The following SLC24A2 variants were observed in gnomAD, a reference collection of about 807,000 sequenced individuals.
SLC24A2 encodes solute carrier family 24 member 2, also known as sodium/potassium/calcium exchanger 2.
SLC24A2 carries 36 observed loss-of-function variants against 62.0 expected under a neutral mutation model. The ratio of observed to expected loss-of-function variants is 0.58; its 90% CI spans 0.44 to 0.77. SLC24A2 has a LOEUF of 0.77. Ranked by LOEUF, SLC24A2 falls within the 30% of genes least tolerant of loss-of-function variation. The pLI, the probability that SLC24A2 is intolerant of heterozygous loss-of-function variation, is 0.00. For synonymous variants in SLC24A2, 358 were observed against 294.0 expected (o/e 1.22, Z -2.23); for missense variants, 846 against 817.9 (o/e 1.03, Z -0.42).
intron 2 of SLC24A2, among the ~76,000 whole-genome samples, chr9:19,659,476 A>T (rs1819032001): frequency 6.6e-6 from 1 of 151,976 alleles, no homozygotes. Context: ...TATTTTTTTG[A>T]GTGTGCTGCA....
intron 2 of SLC24A2, among the ~76,000 whole-genome samples, chr9:19,754,152 C>T (rs1008314706): frequency 2.6e-5 from 4 of 152,164 alleles, no homozygotes; most frequent in African/African-American, 4.8e-5. Flanking sequence ...ATGAATTCCT[C>T]AGAGATTCTG....
At chr9:20,059,972 A>G in the SLC24A2 span, among the ~76,000 whole-genome samples, 1 of 152,130 alleles carries the variant, frequency 6.6e-6, no homozygotes, top group African/African-American at 2.4e-5. Flanking sequence ...AGATGGAGAC[A>G]TGATTACTGA....
chr9:19,564,043 G>T lies in SLC24A2; in HGVS notation c.1347+9308C>A, dbSNP rs538968370. Among the ~76,000 whole-genome samples the T allele has an allele frequency of 2.0e-5, 3 of 151,890 alleles. No individual in the cohort carries two copies. The South Asian group carries it at 6.3e-4, about 32-fold the overall frequency. The stretch of plus-strand genomic sequence containing the variant: ...TAATTTTTTGTATTTTTGGTAGAGA[G>T]AGTGTTTTTGTGATGTTGCCCAGGC... On this transcript the variant is annotated intron_variant, in intron 7 of 10. Coordinates refer to ENST00000341998, the MANE Select transcript of SLC24A2 (RefSeq NM_020344.4).
the SLC24A2 span, among the ~76,000 whole-genome samples, chr9:20,059,366 A>G: frequency 1.3e-5 from 2 of 152,302 alleles, no homozygotes; most frequent in African/African-American, 2.4e-5. Flanking sequence ...TCATGTCTAC[A>G]TGGAATATTT....
At chr9:20,254,913 G>A in the SLC24A2 span, among the ~76,000 whole-genome samples, 1 of 152,210 alleles carries the variant, frequency 6.6e-6, no homozygotes, top group African/African-American at 2.4e-5. Context: ...CAAGAGGCAT[G>A]TGTGTGGAAA....
At chr9:19,927,458 A>T in the SLC24A2 span, 1 of 152,238 alleles carries the variant, frequency 6.6e-6, no homozygotes, top group Non-Finnish European at 1.5e-5. Flanking sequence ...GACCATATAA[A>T]GTACCTCTGA....
the SLC24A2 span, among the ~76,000 whole-genome samples, chr9:20,230,439 C>G: frequency 4.6e-5 from 7 of 152,272 alleles, no homozygotes; most frequent in East Asian, 1.9e-4. Flanking sequence ...ACTGGTGTGA[C>G]ATGGTATCTC....
At chr9:19,759,873 A>G (rs977813245) in intron 2 of SLC24A2, among the ~76,000 whole-genome samples, 8 of 152,194 alleles carry the variant, frequency 5.3e-5, no homozygotes, top group Non-Finnish European at 1.0e-4. Flanking sequence ...AACTCCATAT[A>G]AACACCCTGC....
the SLC24A2 span, among the ~76,000 whole-genome samples, chr9:19,915,149 A>G: frequency 1.3e-5 from 2 of 152,008 alleles, no homozygotes; most frequent in East Asian, 1.9e-4. Context: ...GAATTTACCT[A>G]TTTTGGATAT....
chr9:19,700,378 A>T (rs1820321061), intron 2 of SLC24A2, among the ~76,000 whole-genome samples: 1 of 152,164 alleles, frequency 6.6e-6, no homozygotes, highest in East Asian at 1.9e-4. Context: ...ACAAGGATTT[A>T]AAAAAATGCT....
rs1024312020 is a variant in SLC24A2 at position 19,749,904 on chromosome 9, A to G, written c.930+36033T>C. Among the ~76,000 whole-genome samples, 56 of 152,306 alleles carry G rather than the reference A, an allele frequency of 3.7e-4. 1 individual carries two copies. Among genetic ancestry groups the G allele is most frequent in the African/African-American group, 1.3e-3 (53 of 41,560 alleles). On this transcript the variant is annotated intron_variant, in intron 2 of 10. Transcript: ENST00000341998. ...ATGTCACACTGCAGTGCATTCTGCTAAAGGGACCATAAACCAAATTCTCCC... is the reference window on the plus strand; with the variant it reads ...ATGTCACACTGCAGTGCATTCTGCTGAAGGGACCATAAACCAAATTCTCCC...
At chr9:19,758,241 T>C (rs978133286) in intron 2 of SLC24A2, among the ~76,000 whole-genome samples, 4 of 152,132 alleles carry the variant, frequency 2.6e-5, no homozygotes, top group East Asian at 1.9e-4. Context: ...TACCTACCAA[T>C]AGACATGGAG....
the SLC24A2 span, among the ~76,000 whole-genome samples, chr9:19,932,276 AG>A: frequency 3.9e-5 from 6 of 152,198 alleles, no homozygotes; most frequent in African/African-American, 7.2e-5. Flanking sequence ...AAGCTTGGGA[AG>A]GATCGTTAAA....
chr9:19,897,319 A>C, the SLC24A2 span, among the ~76,000 whole-genome samples: 4 of 152,132 alleles, frequency 2.6e-5, no homozygotes, highest in African/African-American at 9.7e-5. Context: ...TCATATTTAT[A>C]AATGTGAAAA....
the SLC24A2 span, among the ~76,000 whole-genome samples, chr9:20,282,077 T>C: frequency 6.6e-6 from 1 of 152,170 alleles, no homozygotes; most frequent in African/African-American, 2.4e-5. Flanking sequence ...ACAAGAATCC[T>C]AAAATTTTCT....
At chr9:19,704,181 G>A (rs969249275) in intron 2 of SLC24A2, among the ~76,000 whole-genome samples, 2 of 152,132 alleles carry the variant, frequency 1.3e-5, no homozygotes, top group East Asian at 1.9e-4. Flanking sequence ...TAGGTCTGGG[G>A]GAGCGCCTGA....
intron 2 of SLC24A2, among the ~76,000 whole-genome samples, chr9:19,734,810 T>G (rs1050315282): frequency 5.3e-5 from 8 of 152,196 alleles, no homozygotes; most frequent in African/African-American, 1.9e-4. Context: ...TAGCCATATG[T>G]AGAAAGCTGA....
the SLC24A2 span, among the ~76,000 whole-genome samples, chr9:20,229,456 T>C: frequency 6.6e-6 from 1 of 152,186 alleles, no homozygotes; most frequent in Admixed American, 6.5e-5. Flanking sequence ...GTACAAGCTT[T>C]TACTTGTTAA....
the SLC24A2 span, among the ~76,000 whole-genome samples, chr9:20,105,115 T>A: frequency 6.6e-6 from 1 of 152,166 alleles, no homozygotes; most frequent in East Asian, 1.9e-4. Flanking sequence ...CATTACATAA[T>A]GGTAAAGGGA....
Sources: allele counts gnomAD v4.1 joint callset (sites outside exome capture counted in the v4.1 genomes callset), GRCh38; gene constraint gnomAD v4.1.1; transcripts MANE v1.5; gene names NCBI Gene and HGNC (gene_info 2026-07-23, HGNC 2026-07-21).